Variants in SNED1 observed in about 807,000 individuals in gnomAD.
The protein encoded by SNED1 is sushi, nidogen and EGF-like domain-containing protein 1.
In SNED1, 81 loss-of-function variants were observed where a neutral mutation model predicts 166.7. That is an observed-to-expected ratio of 0.49 (90% confidence interval 0.41 to 0.58). The LOEUF (loss-of-function observed/expected upper bound fraction) is 0.58. SNED1 is among the 20% of genes least tolerant of loss of function. The pLI, the probability that SNED1 is intolerant of heterozygous loss-of-function variation, is 0.00. For synonymous variants in SNED1, 762 were observed against 822.0 expected, an observed-to-expected ratio of 0.93 and a Z score of 1.25; for missense variants, 1,604 against 2,000.2, an observed-to-expected ratio of 0.80 and a Z score of 3.78.
In SNED1 at chr2:240,998,632, T is replaced by C. The variant is rs936341572; in HGVS notation, c.-206T>C. Reference sequence around the variant, plus strand: ...GGGGCGGGGCTGGCCCCGAACGCGGTCCCGCCCGGCGCTTTCCTCTGCGGA... The same window carrying C: ...GGGGCGGGGCTGGCCCCGAACGCGGCCCCGCCCGGCGCTTTCCTCTGCGGA... On this transcript the variant is annotated 5_prime_UTR_variant, in exon 1 of 32. Transcript: ENST00000310397. Among the ~76,000 whole-genome samples the C allele has an allele frequency of 1.9e-4, 29 of 151,156 alleles. No individual in the cohort carries two copies. The highest frequency in any genetic ancestry group is 2.7e-4 in the Non-Finnish European group (18 of 67,778).
chr2:241,036,840 G>T lies in SNED1; in HGVS notation c.856G>T (p.Asp286Tyr). Reference sequence around the variant, plus strand: ...CTGCCTCAACGGCGGCAAGTGCATCGACGACTGCGTCACGGGCAACCCCTC... The same window carrying T: ...CTGCCTCAACGGCGGCAAGTGCATCTACGACTGCGTCACGGGCAACCCCTC... ...RPCLNGGKCI[D>Y]DCVTGNPSYT... Residue 286 changes from aspartate (D) to tyrosine (Y), a missense_variant, in exon 5 of 32, where the codon GAC becomes TAC. Physicochemically the swap from Asp to Tyr is radical, Grantham distance 160. This residue lies in a region of SNED1 where 1,237 missense variants were observed against 1,620.8 expected (regional missense o/e 0.76). Transcript: ENST00000310397. The T allele has an allele frequency of 1.2e-6, 2 of 1,611,386 alleles. No homozygotes were observed. Among genetic ancestry groups the T allele is most frequent in the Non-Finnish European group, 1.7e-6 (2 of 1,179,694 alleles).
chr2:241,045,797 A>G (rs1399734307), intron 8 of SNED1, among the ~76,000 whole-genome samples: 1 of 152,136 alleles, frequency 6.6e-6, no homozygotes, highest in Non-Finnish European at 1.5e-5. Context: ...AAAAAGAAAA[A>G]GATAAATTAG....
chr2:241,079,505 T>G (rs900725226), intron 27 of SNED1, among the ~76,000 whole-genome samples: 4 of 152,056 alleles, frequency 2.6e-5, no homozygotes, highest in Admixed American at 2.6e-4. Flanking sequence ...AATTTTGTCC[T>G]CATTTTAATA....
rs1307059021 is a variant in SNED1, at chr2:241,095,083, C to T, written c.*3447C>T. 2.0e-5 allele frequency: 3 copies of T among 149,672 alleles called. No individual in the cohort carries two copies. The highest frequency in any genetic ancestry group is 4.4e-5 in the Non-Finnish European group (3 of 67,620). 9.3% of individuals were successfully genotyped at this position (149,672 alleles called of 1,614,324 possible). On this transcript the variant is annotated 3_prime_UTR_variant, in exon 32 of 32. Transcript: ENST00000310397. ...ACGCCCCCCCCCCCCCCCACACCCACCTTGGGGGGTCACGGATTGCTCCCT... is the reference window on the plus strand; with the variant it reads ...ACGCCCCCCCCCCCCCCCACACCCATCTTGGGGGGTCACGGATTGCTCCCT...
Position 241,069,001 on chromosome 2 carries a change from C to T in SNED1, c.3285C>T (p.Thr1095=), listed in dbSNP as rs181126526. The T allele has an allele frequency of 3.5e-5, 54 of 1,552,798 alleles. 1 individual carries two copies. In the East Asian group the frequency reaches 6.8e-4, roughly 20 times the overall value. Residue 1095 remains threonine, a synonymous_variant, in exon 23 of 32, where the codon ACC becomes ACT. Coordinates refer to ENST00000310397, the MANE Select transcript of SNED1 (RefSeq NM_001080437.3). The surrounding 1 kb of genome is among the most constrained non-coding windows in gnomAD (Gnocchi z 4.9). ...AGCACCCCACAGAGAGCCTGGCCAC[C>T]GCGCCGACGCACGTGTGGACCCGTG... ...GEEHPTESLA[T]APTHVWTRPL... is the part of the protein sequence containing the mutation.
intron 6 of SNED1, among the ~76,000 whole-genome samples, chr2:241,038,696 G>T (rs2125034650): frequency 6.6e-6 from 1 of 152,390 alleles, no homozygotes; most frequent in Non-Finnish European, 1.5e-5. Flanking sequence ...TGGGAGTCGG[G>T]CTTCTGTGGC....
intron 16 of SNED1, among the ~76,000 whole-genome samples, chr2:241,054,097 C>G (rs986946486): frequency 1.3e-5 from 2 of 150,970 alleles, no homozygotes; most frequent in African/African-American, 4.9e-5. Context: ...CTGGGAACAC[C>G]TGGCTTCAAG....
rs977993854 is a variant in SNED1 at position 241,075,860 on chromosome 2, T to C, written c.3916+2496T>C. ...TAGGTCATTAATCTGTTAGACTGTG[T>C]GTGTGTGAGAAGTTGGGCTACAATT... On this transcript the variant is annotated intron_variant, in intron 27 of 31. Coordinates refer to ENST00000310397, the MANE Select transcript of SNED1 (RefSeq NM_001080437.3). This position sits in a 1 kb window ranked among gnomAD's most constrained non-coding sequence, Gnocchi z 4.8. Among the ~76,000 whole-genome samples the C allele has an allele frequency of 6.6e-6, 1 of 152,172 alleles. No individual in the cohort carries two copies. Among genetic ancestry groups the C allele is most frequent in the African/African-American group, 2.4e-5 (1 of 41,426 alleles).
chr2:241,040,228 C>G (rs376120905), intron 7 of SNED1, 40 bp downstream of exon 7: 51 of 1,568,406 alleles, frequency 3.3e-5, no homozygotes, highest in Non-Finnish European at 4.0e-5. Flanking sequence ...GGCTCCTGCC[C>G]GTGGCCAGGT....
In SNED1 at chr2:241,064,868, C is replaced by T; in HGVS notation, c.2624C>T (p.Pro875Leu). The T allele has an allele frequency of 1.9e-6, 3 of 1,589,318 alleles. No individual in the cohort carries two copies. Among genetic ancestry groups the T allele is most frequent in the Non-Finnish European group, 2.6e-6 (3 of 1,172,920 alleles). Reference sequence around the variant, plus strand: ...GTGAGTGACCCCTGCTTCTCCAGCCCCTGTGGGGGCCGTGGCTATTGCCTG... The same window carrying T: ...GTGAGTGACCCCTGCTTCTCCAGCCTCTGTGGGGGCCGTGGCTATTGCCTG... ...ETVSDPCFSS[P>L]CGGRGYCLAS... is the part of the protein sequence containing the mutation. Residue 875 changes from proline (P) to leucine (L), a missense_variant, in exon 20 of 32, where the codon CCC (proline) becomes CTC (leucine). Coordinates refer to ENST00000310397, the MANE Select transcript of SNED1 (RefSeq NM_001080437.3). The surrounding 1 kb of genome is among the most constrained non-coding windows in gnomAD (Gnocchi z 7.0).
At position 241,062,805 on chromosome 2, in the gene SNED1, C is replaced by T. The variant is rs371965336; in HGVS notation, c.2272C>T (p.Arg758Trp). Residue 758 changes from arginine (R) to tryptophan (W), a missense_variant, in exon 17 of 32, where the codon CGG becomes TGG. Arg to Trp is a moderately radical substitution (Grantham distance 101). Around this residue, in one of 2 missense-constraint regions of SNED1, gnomAD observed 1,237 missense variants for 1,620.8 expected, o/e 0.76. Coordinates refer to ENST00000310397, the MANE Select transcript of SNED1 (RefSeq NM_001080437.3). Reference sequence around the variant, plus strand: ...TCTCCTCTCAGAAATCGATGAGTGCCGGTCTCAGCCGTGCCTGCATGGGGG... The same window carrying T: ...TCTCCTCTCAGAAATCGATGAGTGCTGGTCTCAGCCGTGCCTGCATGGGGG... ...PPQCLEIDEC[R>W]SQPCLHGGSC... 23 of 1,609,786 alleles carry T rather than the reference C, an allele frequency of 1.4e-5. No homozygotes were observed. The highest frequency in any genetic ancestry group is 1.1e-4 in the African/African-American group (8 of 75,042).
intron 1 of SNED1, among the ~76,000 whole-genome samples, chr2:241,007,073 A>G (rs1483488046): frequency 1.3e-5 from 2 of 152,234 alleles, no homozygotes; most frequent in Non-Finnish European, 1.5e-5. Flanking sequence ...AAATGATGAA[A>G]CATATAAATG....
At position 241,030,381 on chromosome 2, in the gene SNED1, T is replaced by C; in HGVS notation, c.311T>C (p.Phe104Ser). Residue 104 changes from phenylalanine (F) to serine (S), a missense_variant, in exon 2 of 32, where the codon TTC becomes TCC. Coordinates refer to ENST00000310397, the MANE Select transcript of SNED1 (RefSeq NM_001080437.3). ...IAKDRCVVAA[F>S]WADVDNRRAG... The stretch of plus-strand genomic sequence containing the variant: ...AAGGACCGCTGCGTGGTGGCAGCCT[T>C]CTGGGCAGATGTGGACAACCGGCGT... The C allele has an allele frequency of 6.2e-7, 1 of 1,612,662 alleles. No individual in the cohort carries two copies. The highest frequency in any genetic ancestry group is 8.5e-7 in the Non-Finnish European group (1 of 1,179,420).
At position 241,040,156 on chromosome 2, in the gene SNED1, A is replaced by C. The variant is rs780260918; in HGVS notation, c.1127A>C (p.Gln376Pro). The C allele has an allele frequency of 1.9e-6, 3 of 1,601,936 alleles. No individual in the cohort carries two copies. The East Asian group carries it at 6.8e-5, about 36-fold the overall frequency. ...VENGSAVCVC[Q>P]AGYTGAACEM... Reference sequence around the variant, plus strand: ...AATGGCTCTGCGGTGTGTGTGTGCCAGGCCGGATACACCGGAGCAGCCTGC... The same window carrying C: ...AATGGCTCTGCGGTGTGTGTGTGCCCGGCCGGATACACCGGAGCAGCCTGC... Residue 376 changes from glutamine to proline, a missense_variant, in exon 7 of 32, where the codon CAG (glutamine) becomes CCG (proline). Physicochemically the swap from Gln to Pro is moderately conservative, Grantham distance 76. This residue lies in a region of SNED1 where 1,237 missense variants were observed against 1,620.8 expected (regional missense o/e 0.76). Transcript: ENST00000310397.
Position 241,049,876 on chromosome 2 carries a change from G to A in SNED1, c.1678G>A (p.Asp560Asn). 3 of 1,613,860 alleles carry A rather than the reference G, an allele frequency of 1.9e-6. No individual in the cohort carries two copies. Among genetic ancestry groups the A allele is most frequent in the Non-Finnish European group, 2.5e-6 (3 of 1,179,790 alleles). ...CFNGGSCDAH[D>N]DSYTCECPRG... ...CAACGGAGGCTCCTGCGATGCCCAT[G>A]ACGACTCCTACACCTGCGAGTGCCC... is the stretch of plus-strand genomic sequence containing the variant. The change falls in exon 12 of 32, where the codon GAC (aspartate) becomes AAC (asparagine). Residue 560 changes from aspartate to asparagine, a missense_variant. Physicochemically the swap from Asp to Asn is conservative, Grantham distance 23. Coordinates refer to ENST00000310397, the MANE Select transcript of SNED1 (RefSeq NM_001080437.3).
rs1232829538 is a variant in SNED1 at position 241,051,895 on chromosome 2, C to T, written c.1852+35C>T. 2.1e-5 allele frequency: 31 copies of T among 1,507,770 alleles called. No homozygotes were observed. The highest frequency in any genetic ancestry group is 3.8e-5 in the South Asian group (3 of 78,652). 93.4% of individuals were successfully genotyped at this position (1,507,770 alleles called of 1,614,324 possible). ...CCAGGGGCAGGGGGGAGGGCAGGAA[C>T]GACGGGCCAGCCCTGAGCTGGGGCC... is the stretch of plus-strand genomic sequence containing the variant. On this transcript the variant is annotated intron_variant, in intron 13 of 31. Coordinates refer to ENST00000310397, the MANE Select transcript of SNED1 (RefSeq NM_001080437.3). The surrounding 1 kb of genome is among the most constrained non-coding windows in gnomAD (Gnocchi z 4.7).
chr2:241,042,688 A>G (rs923994762), intron 8 of SNED1, among the ~76,000 whole-genome samples: 8 of 152,234 alleles, frequency 5.3e-5, no homozygotes, highest in African/African-American at 9.6e-5. Context: ...ATTTTTAAAA[A>G]CTTGTAGAAA....
intron 1 of SNED1, among the ~76,000 whole-genome samples, chr2:241,012,042 G>T (rs1247361754): frequency 1.3e-5 from 2 of 152,210 alleles, no homozygotes; most frequent in Non-Finnish European, 2.9e-5. Flanking sequence ...CCGCACACCT[G>T]CAAGCTAGGC....
chr2:241,023,479 T>C (rs1395430744), intron 1 of SNED1, among the ~76,000 whole-genome samples: 3 of 122,954 alleles, frequency 2.4e-5, no homozygotes, highest in African/African-American at 3.5e-5. Context: ...TGGCCCAATA[T>C]GTGGTAAAAA....
Sources: gnomAD v4.1 joint callset for allele counts (sites outside exome capture counted in the v4.1 genomes callset) on GRCh38, gnomAD v4.1.1 for gene constraint, gnomAD v4.1.1 regional missense constraint, Gnocchi (gnomAD v3.1) non-coding constraint, MANE v1.5 for transcripts, NCBI Gene and HGNC (gene_info 2026-07-23, HGNC 2026-07-21) for gene names.